Variants in NODAL observed in about 807,000 individuals in gnomAD.
NODAL encodes the protein nodal homolog.
A neutral mutation model predicts 34.0 loss-of-function variants in NODAL; 12 were observed. The observed-to-expected ratio is 0.35, with a 90% CI of 0.23 to 0.57. NODAL has a LOEUF of 0.57. Among genes scored for constraint, NODAL ranks in the 20% least tolerant of loss-of-function variants. NODAL has a pLI of 0.83. For missense variants in NODAL, 390 were observed against 444.2 expected (o/e 0.88, Z 1.10); for synonymous variants, 162 against 186.4 (o/e 0.87, Z 1.07).
intron 2 of NODAL, among the ~76,000 whole-genome samples, chr10:70,434,487 C>A (rs182964222): frequency 1.6e-4 from 24 of 152,300 alleles, no homozygotes; most frequent in Middle Eastern, 3.4e-3. Flanking sequence ...CTCAGCCTCC[C>A]GAGTAGCTGG....
At chr10:70,436,692 C>G (rs1023670803) in intron 1 of NODAL, 8 of 153,100 alleles carry the variant, frequency 5.2e-5, no homozygotes, top group African/African-American at 1.9e-4. Context: ...TACCCACCCC[C>G]CAGTTCCTAA....
chr10:70,447,855 G>T, intron 1 of NODAL: 1 of 471,008 alleles, frequency 2.1e-6, no homozygotes, highest in Non-Finnish European at 4.4e-6. Context: ...CTGTTTGCTG[G>T]AATCTGCAAC....
chr10:70,447,582 T>C (rs572849875), intron 1 of NODAL, among the ~76,000 whole-genome samples: 2 of 151,010 alleles, frequency 1.3e-5, no homozygotes, highest in African/African-American at 4.9e-5. Flanking sequence ...GAGGCTGAGA[T>C]GGCAGGAGGT....
upstream of NODAL, among the ~76,000 whole-genome samples, chr10:70,444,384 C>T: frequency 6.7e-6 from 1 of 149,708 alleles, no homozygotes; most frequent in East Asian, 2.0e-4. Context: ...GGCTAGAGTG[C>T]AGTTACACAA....
intron 1 of NODAL, among the ~76,000 whole-genome samples, chr10:70,439,151 C>A (rs905015945): frequency 1.3e-5 from 2 of 152,096 alleles, no homozygotes; most frequent in African/African-American, 4.8e-5. Context: ...ACTACAGGTG[C>A]GCGCCACCAT....
intron 1 of NODAL, among the ~76,000 whole-genome samples, chr10:70,440,414 G>A (rs1207352993): frequency 2.6e-5 from 4 of 152,212 alleles, no homozygotes; most frequent in Non-Finnish European, 5.9e-5. Flanking sequence ...CCCTTCCGGA[G>A]AGGGTCACCG....
chr10:70,447,127 G>C (rs1370102395), intron 1 of NODAL, among the ~76,000 whole-genome samples: 1 of 146,152 alleles, frequency 6.8e-6, no homozygotes, highest in Non-Finnish European at 1.5e-5. Context: ...AGGCTGGGGT[G>C]CAGTGGCATG....
At chr10:70,445,852 C>G (rs1845483526), upstream of NODAL, among the ~76,000 whole-genome samples, 1 of 152,200 alleles carries the variant, frequency 6.6e-6, no homozygotes, top group Non-Finnish European at 1.5e-5. Flanking sequence ...CAAATAACGT[C>G]TTGCCTTTCC....
intron 1 of NODAL, 171 bp from the exon 2 acceptor site, chr10:70,436,154 A>G: frequency 1.5e-6 from 1 of 672,840 alleles, no homozygotes; most frequent in Non-Finnish European, 2.7e-6. Context: ...CCTTTTAGAG[A>G]TGAGGAAAAC....
At chr10:70,433,395 A>G (rs1845295948) in intron 2 of NODAL, among the ~76,000 whole-genome samples, 1 of 151,518 alleles carries the variant, frequency 6.6e-6, no homozygotes, top group Admixed American at 6.6e-5. Context: ...TTCTCCTATT[A>G]TTCTAGTCTA....
At chr10:70,438,325 T>C (rs1249255748) in intron 1 of NODAL, among the ~76,000 whole-genome samples, 1 of 152,040 alleles carries the variant, frequency 6.6e-6, no homozygotes, top group Non-Finnish European at 1.5e-5. Context: ...CTCAACTCTT[T>C]TAGAAGAAGG....
chr10:70,432,775 C>T lies in NODAL; in HGVS notation c.*161G>A. On this transcript the variant is annotated 3_prime_UTR_variant, in exon 3 of 3. Transcript: ENST00000287139. ...GTGCTTGGCCAGACTCCACTGAGCC[C>T]TTCATTTACAGAGTGGGCAGCCCCT... 2 of 789,898 alleles carry T rather than the reference C, an allele frequency of 2.5e-6. No homozygotes were observed. The highest frequency in any genetic ancestry group is 4.3e-6 in the Non-Finnish European group (2 of 467,156). 48.9% of individuals were successfully genotyped at this position (789,898 alleles called of 1,614,324 possible). A position where few individuals can be genotyped will look rare whatever the true frequency, so the allele number is the denominator to read the frequency against.
intron 1 of NODAL, among the ~76,000 whole-genome samples, chr10:70,438,469 G>C (rs890141660): frequency 6.6e-6 from 1 of 152,180 alleles, no homozygotes; most frequent in African/African-American, 2.4e-5. Flanking sequence ...GTAAAAGGGA[G>C]ATGGTAAAAG....
chr10:70,436,361 T>C (rs756361973), intron 1 of NODAL: 1 of 330,176 alleles, frequency 3.0e-6, no homozygotes, highest in Non-Finnish European at 5.9e-6. Flanking sequence ...CCCTCCCCTG[T>C]CTCCTCCCAT....
chr10:70,445,280 C>T (rs965777489), upstream of NODAL, among the ~76,000 whole-genome samples: 4 of 152,092 alleles, frequency 2.6e-5, no homozygotes, highest in African/African-American at 4.8e-5. Context: ...TTTTTTGAGA[C>T]GGAGTCTCGC....
intron 2 of NODAL, 112 bp downstream of exon 2, chr10:70,435,174 G>T: frequency 1.1e-6 from 1 of 927,006 alleles, no homozygotes; most frequent in Non-Finnish European, 1.7e-6. Flanking sequence ...GTACATTGGA[G>T]GTGCTTGAGT....
upstream of NODAL, among the ~76,000 whole-genome samples, chr10:70,443,061 TG>T (rs968645478): frequency 2.9e-4 from 44 of 152,174 alleles, no homozygotes; most frequent in African/African-American, 9.4e-4. Flanking sequence ...CACTCCAGTC[TG>T]GGCAACCGAG....
Position 70,435,552 on chromosome 10 carries a change from C to CA in NODAL, c.624dup (p.Gly209TrpfsTer69). The CA allele has an allele frequency of 1.2e-6, 2 of 1,614,082 alleles. No homozygotes were observed. The highest frequency in any genetic ancestry group is 1.7e-6 in the Non-Finnish European group (2 of 1,180,028). Reference sequence around the variant, plus strand: ...TCGGCTTCCCACAGCAAGGTGGACCCACCCAGCTGCCTCTGCTCCTGCGAG... The same window carrying CA: ...TCGGCTTCCCACAGCAAGGTGGACCCAACCCAGCTGCCTCTGCTCCTGCGAG... On this transcript the variant is annotated frameshift_variant, in exon 2 of 3. Coordinates refer to ENST00000287139, the MANE Select transcript of NODAL (RefSeq NM_018055.5). LOFTEE classifies it high-confidence loss of function.
chr10:70,436,267 G>A (rs943132770), intron 1 of NODAL: 1 of 479,968 alleles, frequency 2.1e-6, no homozygotes, highest in African/African-American at 1.9e-5. Context: ...CCCAGACTCC[G>A]AATTACTGTT....
Sources: allele counts gnomAD v4.1 joint callset (sites outside exome capture counted in the v4.1 genomes callset), GRCh38; gene constraint gnomAD v4.1.1; transcripts MANE v1.5; gene names NCBI Gene and HGNC (gene_info 2026-07-23, HGNC 2026-07-21).